Variants in RBFOX1 observed in about 807,000 individuals in gnomAD.
The protein encoded by RBFOX1 is RNA binding fox-1 homolog 1.
In RBFOX1, 8 loss-of-function variants were observed where a neutral mutation model predicts 57.7. That is an observed-to-expected ratio of 0.14 (90% CI 0.08 to 0.25). RBFOX1 has a LOEUF of 0.25. Ranked by LOEUF, RBFOX1 falls within the 10% of genes least tolerant of loss-of-function variation. RBFOX1 has a pLI of 1.00. For synonymous variants in RBFOX1, 326 were observed against 222.4 expected (o/e 1.47, Z -4.15); for missense variants, 611 against 548.5 (o/e 1.11, Z -1.14).
In RBFOX1 at chr16:7,459,350, A is replaced by G. The variant is rs532851023; in HGVS notation, c.28-58797A>G. On this transcript the variant is annotated intron_variant, in intron 4 of 15. Transcript: ENST00000550418. ...AACTCACTTGGCATGGGCAATTGTT[A>G]CCTTGCACTTGCCATTTTGTACAAA... 2.0e-5 allele frequency among the ~76,000 whole-genome samples: 3 copies of G among 152,314 alleles called. No homozygotes were observed. In the South Asian group the frequency reaches 6.2e-4, roughly 32 times the overall value.
intron 2 of RBFOX1, among the ~76,000 whole-genome samples, chr16:6,323,224 C>A (rs558703841): frequency 6.6e-6 from 1 of 152,282 alleles, no homozygotes; most frequent in South Asian, 2.1e-4. Context: ...ATGGAAGTTA[C>A]AAGGAAGGTG....
chr16:5,832,191 C>T (rs1369422235), intron 3 of RBFOX1, among the ~76,000 whole-genome samples: 1 of 152,194 alleles, frequency 6.6e-6, no homozygotes, highest in East Asian at 1.9e-4. Context: ...AAAGGTCTAA[C>T]AGGTAGGCTG....
chr16:6,980,380 T>A (rs2088416959), intron 3 of RBFOX1, among the ~76,000 whole-genome samples: 1 of 152,186 alleles, frequency 6.6e-6, no homozygotes, highest in Non-Finnish European at 1.5e-5. Flanking sequence ...TTTTCTAATC[T>A]TATCTTTTTC....
rs189160463 is a variant in RBFOX1 at position 6,745,950 on chromosome 16, A to G, written c.-16+91300A>G. Among the ~76,000 whole-genome samples the G allele has an allele frequency of 3.8e-4, 58 of 152,366 alleles. 1 individual carries two copies. The East Asian group carries it at 5.0e-3, about 13-fold the overall frequency. ...TATCAAGTTGCAGGATGCAGTATCA[A>G]TATATGTAATTCAATTATATTTTTA... On this transcript the variant is annotated intron_variant, in intron 3 of 15. Transcript: ENST00000550418.
intron 3 of RBFOX1, among the ~76,000 whole-genome samples, chr16:6,722,406 A>C (rs2066193476): frequency 6.6e-6 from 1 of 152,126 alleles, no homozygotes; most frequent in South Asian, 2.1e-4. Flanking sequence ...TGTCCTTAGG[A>C]AGTATATTAT....
chr16:7,119,603 G>C (rs539920152), intron 4 of RBFOX1, among the ~76,000 whole-genome samples: 9 of 151,796 alleles, frequency 5.9e-5, no homozygotes, highest in Non-Finnish European at 1.2e-4. Context: ...AAACCACCCA[G>C]ACATACAGGA....
At chr16:6,135,014 G>A (rs1047628358) in intron 1 of RBFOX1, among the ~76,000 whole-genome samples, 15 of 151,684 alleles carry the variant, frequency 9.9e-5, no homozygotes, top group Non-Finnish European at 2.1e-4. Context: ...CCCCACTACA[G>A]GCCCCGGTGT....
intron 2 of RBFOX1, among the ~76,000 whole-genome samples, chr16:5,478,918 G>C (rs1363504352): frequency 6.6e-6 from 1 of 152,182 alleles, no homozygotes; most frequent in Non-Finnish European, 1.5e-5. Flanking sequence ...AGGGATGAGG[G>C]CAGAGGTGGG....
At chr16:5,404,262 A>G (rs916075889) in intron 1 of RBFOX1, among the ~76,000 whole-genome samples, 1 of 152,172 alleles carries the variant, frequency 6.6e-6, no homozygotes, top group African/African-American at 2.4e-5. Context: ...CTGTGCATGT[A>G]ATACAATTGC....
At chr16:6,943,028 G>T (rs888320427) in intron 3 of RBFOX1, among the ~76,000 whole-genome samples, 21 of 152,184 alleles carry the variant, frequency 1.4e-4, no homozygotes, top group African/African-American at 5.1e-4. Context: ...ACCCAAATGG[G>T]CAAGCGGGGA....
At chr16:6,732,541 A>G (rs1360818607) in intron 3 of RBFOX1, among the ~76,000 whole-genome samples, 3 of 152,188 alleles carry the variant, frequency 2.0e-5, no homozygotes, top group South Asian at 2.1e-4. Flanking sequence ...GTAGCAGGCA[A>G]TTGCTTTTCA....
At chr16:6,198,460 T>G (rs1242378396) in intron 1 of RBFOX1, among the ~76,000 whole-genome samples, 1 of 152,204 alleles carries the variant, frequency 6.6e-6, no homozygotes, top group Non-Finnish European at 1.5e-5. Context: ...GAGACTCTTT[T>G]TAAGATGTTA....
intron 5 of RBFOX1, among the ~76,000 whole-genome samples, chr16:7,539,752 C>T (rs534846229): frequency 2.0e-5 from 3 of 152,218 alleles, no homozygotes; most frequent in Admixed American, 6.5e-5. Flanking sequence ...CTTCCTGCTT[C>T]TGCCCTCCCC....
intron 2 of RBFOX1, among the ~76,000 whole-genome samples, chr16:6,352,865 G>A (rs1018994459): frequency 3.9e-5 from 6 of 152,008 alleles, no homozygotes; most frequent in Non-Finnish European, 7.4e-5. Flanking sequence ...CTTCATGCTC[G>A]CAAACACAAC....
rs578073847 is a variant in RBFOX1 at position 7,053,816 on chromosome 16, C to G, written c.27+1718C>G. ...GCTCCAATAGCCCCATCTCTAACAT[C>G]ACGAACCAGTGCTTTGTTTGTTGTT... On this transcript the variant is annotated intron_variant, in intron 4 of 15. Coordinates refer to ENST00000550418, the MANE Select transcript of RBFOX1 (RefSeq NM_018723.4). 2.3e-3 allele frequency among the ~76,000 whole-genome samples: 353 copies of G among 152,288 alleles called. 2 individuals are homozygous for G. The highest frequency in any genetic ancestry group is 6.1e-3 in the Admixed American group (93 of 15,298).
chr16:7,237,570 G>T (rs762277301), intron 4 of RBFOX1, among the ~76,000 whole-genome samples: 2 of 152,204 alleles, frequency 1.3e-5, no homozygotes, highest in African/African-American at 2.4e-5. Flanking sequence ...GGACCAACTG[G>T]CTTCCTATGT....
Position 6,852,189 on chromosome 16 carries a change from G to T in RBFOX1, c.-16+197539G>T, listed in dbSNP as rs570162461. On this transcript the variant is annotated intron_variant, in intron 3 of 15. Coordinates refer to ENST00000550418, the MANE Select transcript of RBFOX1 (RefSeq NM_018723.4). ...GTCACTGGCCTGCAACCAAGGTTTT[G>T]ATAGGGCTCTGCTTTCTCTGGAGTC... Among the ~76,000 whole-genome samples the T allele has an allele frequency of 3.3e-5, 5 of 152,266 alleles. No individual in the cohort carries two copies. The South Asian group carries it at 6.2e-4, about 19-fold the overall frequency.
intron 3 of RBFOX1, among the ~76,000 whole-genome samples, chr16:5,832,370 G>A (rs2056304259): frequency 6.6e-6 from 1 of 152,184 alleles, no homozygotes; most frequent in Non-Finnish European, 1.5e-5. Context: ...GGAAGAATGG[G>A]GCATGCCCAG....
intron 5 of RBFOX1, among the ~76,000 whole-genome samples, chr16:7,551,815 GTTTTTCT>G (rs1357265247): frequency 6.6e-6 from 1 of 152,176 alleles, no homozygotes; most frequent in Non-Finnish European, 1.5e-5. Context: ...CATTGGCGGT[GTTTTTCT>G]TTTTTCTTTT....
Sources: gnomAD v4.1 joint callset for allele counts (sites outside exome capture counted in the v4.1 genomes callset) on GRCh38, gnomAD v4.1.1 for gene constraint, MANE v1.5 for transcripts, NCBI Gene and HGNC (gene_info 2026-07-23, HGNC 2026-07-21) for gene names.